The following DUS2 variants were observed in gnomAD, a reference collection of about 807,000 sequenced individuals.
DUS2 encodes the protein tRNA-dihydrouridine(20) synthase [NAD(P)+]-like.
A neutral mutation model predicts 71.3 loss-of-function variants in DUS2; 52 were observed. That is an observed-to-expected ratio of 0.73 (90% CI 0.58 to 0.92). DUS2 has a LOEUF of 0.92. DUS2 is among the 40% of genes least tolerant of loss of function. The pLI, the probability that DUS2 is intolerant of heterozygous loss-of-function variation, is 0.00. For missense variants in DUS2, 558 were observed against 622.6 expected (o/e 0.90, Z 1.10); for synonymous variants, 204 against 227.8 (o/e 0.90, Z 0.94).
Position 68,069,669 on chromosome 16 carries a change from C to G in DUS2, c.555-465C>G, listed in dbSNP as rs776162867. 5.3e-5 allele frequency among the ~76,000 whole-genome samples: 8 copies of G among 152,290 alleles called. No homozygotes were observed. The South Asian group carries it at 1.7e-3, about 32-fold the overall frequency. Reference sequence around the variant, plus strand: ...TGTGTCAGGTGCCTCTCCCTAGGATCAGCTGTGCAACTTGGCTTTGGCATT... The same window carrying G: ...TGTGTCAGGTGCCTCTCCCTAGGATGAGCTGTGCAACTTGGCTTTGGCATT... On this transcript the variant is annotated intron_variant, in intron 10 of 16. Transcript: ENST00000565263.
Position 68,070,921 on chromosome 16 carries a change from C to T in DUS2, c.642-19C>T, listed in dbSNP as rs199906430. The T allele has an allele frequency of 1.4e-4, 227 of 1,613,470 alleles. No individual in the cohort carries two copies. The East Asian group carries it at 5.0e-3, about 35-fold the overall frequency. On this transcript the variant is annotated intron_variant, in intron 11 of 16. Transcript: ENST00000565263. ...GGTTCCGTGATGGGGACACCCCTAA[C>T]CCTCTGGTTGCTTTTTAGCGGAGGA... is the stretch of plus-strand genomic sequence containing the variant.
chr16:68,056,850 G>A (rs2033860089), intron 7 of DUS2, among the ~76,000 whole-genome samples: 1 of 141,750 alleles, frequency 7.1e-6, no homozygotes, highest in African/African-American at 2.6e-5. Flanking sequence ...ATTATATAAT[G>A]TTATATATTA....
intron 2 of DUS2, among the ~76,000 whole-genome samples, chr16:68,036,191 T>G (rs1297130678): frequency 2.0e-5 from 3 of 146,500 alleles, no homozygotes; most frequent in Non-Finnish European, 4.5e-5. Flanking sequence ...GACAGAGTCT[T>G]GCTCTGTCGC....
chr16:68,047,386 C>G (rs1418183368), intron 3 of DUS2, among the ~76,000 whole-genome samples: 1 of 152,040 alleles, frequency 6.6e-6, no homozygotes, highest in Non-Finnish European at 1.5e-5. Flanking sequence ...TTTTTGTCTT[C>G]TCTCTTTTTT....
intron 15 of DUS2, chr16:68,077,650 A>C (rs568867082): frequency 6.6e-6 from 1 of 152,314 alleles, no homozygotes; most frequent in African/African-American, 2.4e-5. Flanking sequence ...CGGCCTCCCA[A>C]AGTGCTAGGA....
chr16:68,035,911 TATATATATATATATATATAC>T (rs759612575), intron 2 of DUS2, among the ~76,000 whole-genome samples: 4,205 of 57,818 alleles, frequency 0.073, 100 homozygotes, highest in Middle Eastern at 0.17. Context: ...TATATATATA[TATATATATATATATATATAC>T]ACACATACAT....
At chr16:68,027,387 C>T (rs1258611234) in intron 2 of DUS2, among the ~76,000 whole-genome samples, 3 of 152,018 alleles carry the variant, frequency 2.0e-5, no homozygotes, top group African/African-American at 4.8e-5. Flanking sequence ...TACAGGCATG[C>T]GCCACCACAC....
At chr16:68,041,994 C>T (rs928137132) in intron 3 of DUS2, among the ~76,000 whole-genome samples, 1 of 152,064 alleles carries the variant, frequency 6.6e-6, no homozygotes, top group Non-Finnish European at 1.5e-5. Context: ...AACGGAAACC[C>T]TGCACCCATT....
intron 8 of DUS2, among the ~76,000 whole-genome samples, chr16:68,063,441 G>T (rs1304546931): frequency 6.6e-6 from 1 of 152,156 alleles, no homozygotes; most frequent in Non-Finnish European, 1.5e-5. Context: ...TTGGGGTTAT[G>T]AAAAACTTTG....
At chr16:68,037,438 A>G (rs2033548030) in intron 2 of DUS2, among the ~76,000 whole-genome samples, 1 of 134,184 alleles carries the variant, frequency 7.5e-6, no homozygotes, top group Admixed American at 7.9e-5. Context: ...TTTTTTTGAG[A>G]TGGAGTCTTG....
chr16:68,031,461 C>T (rs2033437712), intron 2 of DUS2, among the ~76,000 whole-genome samples: 1 of 152,148 alleles, frequency 6.6e-6, no homozygotes, highest in Non-Finnish European at 1.5e-5. Context: ...CTGTGTCTGG[C>T]CATGAACTCT....
chr16:68,070,828 A>C, intron 11 of DUS2, 112 bp from the exon 12 acceptor site: 3 of 1,121,344 alleles, frequency 2.7e-6, no homozygotes, highest in Non-Finnish European at 3.9e-6. Context: ...AGCTGAAGGG[A>C]CTTGGCCAAA....
chr16:68,029,099 G>A (rs886454411), intron 2 of DUS2, among the ~76,000 whole-genome samples: 2 of 151,792 alleles, frequency 1.3e-5, no homozygotes, highest in Non-Finnish European at 1.5e-5. Context: ...CAGTTACTCC[G>A]GATGCTGAGA....
chr16:68,074,233 C>T, intron 13 of DUS2, 78 bp downstream of exon 13: 1 of 1,542,348 alleles, frequency 6.5e-7, no homozygotes, highest in Non-Finnish European at 8.9e-7. Context: ...GCTGACTCCA[C>T]CAGGGGACCA....
intron 2 of DUS2, chr16:68,026,970 A>G (rs1047073413): frequency 6.6e-6 from 1 of 150,592 alleles, no homozygotes; most frequent in African/African-American, 2.4e-5. Flanking sequence ...ATTATTTCCT[A>G]ATCAGTATCC....
At chr16:68,035,255 G>A (rs144089267) in intron 2 of DUS2, among the ~76,000 whole-genome samples, 13 of 152,208 alleles carry the variant, frequency 8.5e-5, no homozygotes, top group African/African-American at 2.6e-4. Flanking sequence ...CAGTCATAAT[G>A]ATCATGTAAA....
At position 68,055,561 on chromosome 16, in the gene DUS2, C is replaced by T. The variant is rs371865071; in HGVS notation, c.309-803C>T. Among the ~76,000 whole-genome samples the T allele has an allele frequency of 3.9e-5, 6 of 152,210 alleles. No homozygotes were observed. The East Asian group carries it at 1.2e-3, about 29-fold the overall frequency. ...TTTTGCTACTTGTTAACTGTGTGAC[C>T]TGAGATAAGTTGCTTAACCTCAATG... On this transcript the variant is annotated intron_variant, in intron 6 of 16. Transcript: ENST00000565263.
Position 68,039,826 on chromosome 16 carries a change from C to G in DUS2, c.126+1677C>G, listed in dbSNP as rs569846749. ...GACAGCTCTAGCACATAGACATGAA[C>G]ACTCACGGAGTTAATGGCTTGAGGA... On this transcript the variant is annotated intron_variant, in intron 3 of 16. Coordinates refer to ENST00000565263, the MANE Select transcript of DUS2 (RefSeq NM_017803.5). 3.9e-5 allele frequency among the ~76,000 whole-genome samples: 6 copies of G among 152,108 alleles called. No individual in the cohort carries two copies. In the East Asian group the frequency reaches 1.2e-3, roughly 29 times the overall value.
chr16:68,064,300 C>A (rs894589927), intron 8 of DUS2, among the ~76,000 whole-genome samples: 1 of 152,188 alleles, frequency 6.6e-6, no homozygotes, highest in Non-Finnish European at 1.5e-5. Context: ...CATGCTAGAG[C>A]CTGGCCAGAA....
Sources: allele counts gnomAD v4.1 joint callset (sites outside exome capture counted in the v4.1 genomes callset), GRCh38; gene constraint gnomAD v4.1.1; transcripts MANE v1.5; gene names NCBI Gene and HGNC (gene_info 2026-07-23, HGNC 2026-07-21).